The following TXNDC16 variants were observed in gnomAD, a reference collection of about 807,000 sequenced individuals.
The protein encoded by TXNDC16 is thioredoxin domain containing 16, also known as thioredoxin domain-containing protein 16.
Under a neutral mutation model 85.6 loss-of-function variants are expected in TXNDC16, and 74 were observed. The ratio of observed to expected loss-of-function variants is 0.86; its 90% CI spans 0.72 to 1.05. The LOEUF (loss-of-function observed/expected upper bound fraction) is 1.05, where lower values mean the gene tolerates loss of function less well. TXNDC16 is among the 50% of genes least tolerant of loss of function. TXNDC16 has a pLI of 0.00. For synonymous variants in TXNDC16, 335 were observed against 326.5 expected, an observed-to-expected ratio of 1.03 and a Z score of -0.28; for missense variants, 959 against 947.0, an observed-to-expected ratio of 1.01 and a Z score of -0.17.
chr14:52,490,208 G>A lies in TXNDC16; in HGVS notation c.984+183C>T, dbSNP rs1460280877. On this transcript the variant is annotated intron_variant, in intron 11 of 20. Coordinates refer to ENST00000281741, the MANE Select transcript of TXNDC16 (RefSeq NM_020784.3). ...TTTAAAAAAATACATATACATACGT[G>A]AACATAGGATACAAACCAGACTGAC... is the stretch of plus-strand genomic sequence containing the variant. 3.3e-5 allele frequency among the ~76,000 whole-genome samples: 5 copies of A among 152,102 alleles called. No homozygotes were observed. In the East Asian group the frequency reaches 7.7e-4, roughly 23 times the overall value.
In TXNDC16 at chr14:52,441,325, G is replaced by C. The variant is rs569559860; in HGVS notation, c.1843-601C>G. The stretch of plus-strand genomic sequence containing the variant: ...ATTTTTATTACTAATTAAAAGATAG[G>C]AGGCTGGGAGTGATGGCTCACGCCT... On this transcript the variant is annotated intron_variant, in intron 18 of 20. Transcript: ENST00000281741. 7.8e-4 allele frequency among the ~76,000 whole-genome samples: 119 copies of C among 152,122 alleles called. 1 individual carries two copies. Among genetic ancestry groups the C allele is most frequent in the African/African-American group, 2.8e-3 (115 of 41,518 alleles).
intron 6 of TXNDC16, among the ~76,000 whole-genome samples, chr14:52,523,272 C>T (rs946835269): frequency 6.6e-5 from 10 of 152,240 alleles, no homozygotes; most frequent in Admixed American, 2.0e-4. Flanking sequence ...CTTTGGCATG[C>T]TTTTCCTGAG....
At chr14:52,464,952 A>T (rs1452639787) in intron 16 of TXNDC16, among the ~76,000 whole-genome samples, 1 of 152,194 alleles carries the variant, frequency 6.6e-6, no homozygotes, top group African/African-American at 2.4e-5. Context: ...CAAAAAAAAT[A>T]AAAAATATAA....
intron 9 of TXNDC16, among the ~76,000 whole-genome samples, chr14:52,499,651 G>C (rs1256795290): frequency 2.0e-5 from 3 of 151,504 alleles, no homozygotes; most frequent in Non-Finnish European, 2.9e-5. Context: ...GACAAACGTT[G>C]GTGAAGATAT....
In TXNDC16 at chr14:52,511,390, G is replaced by T. The variant is rs751824086; in HGVS notation, c.606C>A (p.Gly202=). 1 of 1,557,872 alleles carries T rather than the reference G, an allele frequency of 6.4e-7. No individual in the cohort carries two copies. Among genetic ancestry groups the T allele is most frequent in the Non-Finnish European group, 8.7e-7 (1 of 1,144,918 alleles). ...TTEIALLESI[G]SEDVEYAHLY... is the part of the protein sequence containing the mutation. Reference sequence around the variant, plus strand: ...GATGTGCATATTCCACATCCTCAGAGCTACAAATTAAAAATTAATTAACTT... The same window carrying T: ...GATGTGCATATTCCACATCCTCAGATCTACAAATTAAAAATTAATTAACTT... The change falls in exon 9 of 21, where the codon GGC becomes GGA. Residue 202 remains glycine, a splice_region_variant and synonymous_variant. Coordinates refer to ENST00000281741, the MANE Select transcript of TXNDC16 (RefSeq NM_020784.3).
chr14:52,502,534 G>C (rs927628374), intron 9 of TXNDC16, among the ~76,000 whole-genome samples: 5 of 152,216 alleles, frequency 3.3e-5, no homozygotes, highest in Admixed American at 2.6e-4. Context: ...CTTAACTGAA[G>C]TCATTATGAA....
intron 18 of TXNDC16, among the ~76,000 whole-genome samples, chr14:52,444,058 A>C (rs2035225256): frequency 6.6e-6 from 1 of 152,210 alleles, no homozygotes; most frequent in Admixed American, 6.5e-5. Context: ...AGATGGACAA[A>C]AGAGGACTGA....
chr14:52,506,299 G>A (rs183021698), intron 9 of TXNDC16, among the ~76,000 whole-genome samples: 2,337 of 152,216 alleles, frequency 0.015, 48 homozygotes, highest in African/African-American at 0.053. Flanking sequence ...CAGTATCCCT[G>A]ATGAACATTG....
chr14:52,489,300 TATTA>T (rs1411659982), intron 11 of TXNDC16, among the ~76,000 whole-genome samples: 8 of 152,180 alleles, frequency 5.3e-5, no homozygotes, highest in African/African-American at 1.2e-4. Context: ...TTGAGATCGA[TATTA>T]ATTAATATTA....
At chr14:52,551,066 A>C (rs908304546) in intron 1 of TXNDC16, among the ~76,000 whole-genome samples, 63 of 152,258 alleles carry the variant, frequency 4.1e-4, no homozygotes, top group Middle Eastern at 3.4e-3. Flanking sequence ...TGAACGTTTC[A>C]TCTGAGGGAT....
At chr14:52,468,876 C>CA (rs914696845) in intron 16 of TXNDC16, among the ~76,000 whole-genome samples, 2,070 of 129,396 alleles carry the variant, frequency 0.016, 32 homozygotes, top group African/African-American at 0.035. Flanking sequence ...GACCCTGTCT[C>CA]AAAAAAAAAA....
At chr14:52,471,246 C>G (rs1409081571) in intron 14 of TXNDC16, among the ~76,000 whole-genome samples, 1 of 152,178 alleles carries the variant, frequency 6.6e-6, no homozygotes, top group Non-Finnish European at 1.5e-5. Flanking sequence ...TCAGCATGTT[C>G]TTTCAATTTT....
At chr14:52,517,416 TA>T in intron 7 of TXNDC16, among the ~76,000 whole-genome samples, 1 of 152,304 alleles carries the variant, frequency 6.6e-6, no homozygotes, top group African/African-American at 2.4e-5. Flanking sequence ...AACCATTCTT[TA>T]TTTCCAGGCC....
intron 6 of TXNDC16, among the ~76,000 whole-genome samples, chr14:52,530,946 T>A (rs2037561854): frequency 6.6e-6 from 1 of 151,834 alleles, no homozygotes; most frequent in Non-Finnish European, 1.5e-5. Flanking sequence ...GTGAAAAATA[T>A]ATCTGATGAA....
chr14:52,460,475 AATGTTTTTC>A (rs556375400), intron 16 of TXNDC16, among the ~76,000 whole-genome samples: 2 of 152,198 alleles, frequency 1.3e-5, no homozygotes, highest in Non-Finnish European at 2.9e-5. Flanking sequence ...ATCTTCTGAC[AATGTTTTTC>A]ATGTAATTTT....
intron 9 of TXNDC16, among the ~76,000 whole-genome samples, chr14:52,506,165 T>C (rs1481459962): frequency 5.9e-5 from 9 of 152,302 alleles, no homozygotes; most frequent in African/African-American, 1.7e-4. Flanking sequence ...GCTGGTACCA[T>C]TGCTTCTGAA....
intron 18 of TXNDC16, among the ~76,000 whole-genome samples, chr14:52,453,011 A>T (rs1302180361): frequency 1.3e-5 from 2 of 152,216 alleles, no homozygotes; most frequent in Admixed American, 6.5e-5. Context: ...TGATTTAAAA[A>T]ATGGGCAAAA....
At position 52,514,977 on chromosome 14, in the gene TXNDC16, A is replaced by G. The variant is rs1313986321; in HGVS notation, c.515-7T>C. 6.2e-7 allele frequency: 1 copy of G among 1,605,412 alleles called. No homozygotes were observed. The highest frequency in any genetic ancestry group is 1.1e-5 in the South Asian group (1 of 89,524). Reference sequence around the variant, plus strand: ...TCCATGACTGCTCTGTGCTCTGAAGAAGAGATAAAGGGAGTTGGAAGACAG... The same window carrying G: ...TCCATGACTGCTCTGTGCTCTGAAGGAGAGATAAAGGGAGTTGGAAGACAG... On this transcript the variant is annotated splice_polypyrimidine_tract_variant and splice_region_variant and intron_variant, in intron 7 of 20. Coordinates refer to ENST00000281741, the MANE Select transcript of TXNDC16 (RefSeq NM_020784.3).
chr14:52,432,702 GT>G, intron 20 of TXNDC16, 115 bp from the exon 21 acceptor site: 2 of 1,066,800 alleles, frequency 1.9e-6, no homozygotes, highest in Non-Finnish European at 2.5e-6. Flanking sequence ...AGTTTTATTA[GT>G]TTTACTTATC....
Sources: gnomAD v4.1 joint callset for allele counts (sites outside exome capture counted in the v4.1 genomes callset) on GRCh38, gnomAD v4.1.1 for gene constraint, MANE v1.5 for transcripts, NCBI Gene and HGNC (gene_info 2026-07-23, HGNC 2026-07-21) for gene names.